HMCN1: variants seen among roughly 807,000 people sequenced by gnomAD.
The protein encoded by HMCN1 is hemicentin 1, also known as hemicentin-1.
HMCN1 carries 321 observed loss-of-function variants against 625.9 expected under a neutral mutation model. That is an observed-to-expected ratio of 0.51 (90% CI 0.47 to 0.56). The LOEUF is 0.56. Among genes scored for constraint, HMCN1 ranks in the 20% least tolerant of loss-of-function variants. HMCN1 has a pLI of 0.00. For missense variants in HMCN1, 6,588 were observed against 6,887.3 expected (o/e 0.96, Z 1.54); for synonymous variants, 2,425 against 2,417.6 (o/e 1.00, Z -0.09).
chr1:186,020,167 C>T (rs1387360434), intron 35 of HMCN1, among the ~76,000 whole-genome samples: 1 of 151,838 alleles, frequency 6.6e-6, no homozygotes, highest in Middle Eastern at 3.2e-3. Flanking sequence ...ACTTTTTTAT[C>T]GTTCATAGTG....
chr1:186,055,600 A>G lies in HMCN1; in HGVS notation c.7070A>G (p.Asp2357Gly). 1.2e-6 allele frequency: 2 copies of G among 1,612,766 alleles called. No individual in the cohort carries two copies. The highest frequency in any genetic ancestry group is 2.2e-5 in the South Asian group (2 of 91,068). The change falls in exon 45 of 107, where the codon GAC becomes GGC. Residue 2357 changes from aspartate (D) to glycine (G), a missense_variant. Asp to Gly is a moderately conservative substitution (Grantham distance 94). Around this residue, in one of 3 missense-constraint regions of HMCN1, gnomAD observed 4,628 missense variants for 4,853.1 expected, o/e 0.95. Transcript: ENST00000271588. Reference protein sequence around the residue: ...ILQLKNIHVSDTGRYVCVAVN... With the variant: ...ILQLKNIHVSGTGRYVCVAVN... Reference sequence around the variant, plus strand: ...CAGCTGAAGAACATTCATGTATCTGACACAGGCCGTTATGTGTGTGTTGCT... The same window carrying G: ...CAGCTGAAGAACATTCATGTATCTGGCACAGGCCGTTATGTGTGTGTTGCT...
At chr1:185,891,311 A>G (rs1458460185) in intron 4 of HMCN1, among the ~76,000 whole-genome samples, 1 of 142,638 alleles carries the variant, frequency 7.0e-6, no homozygotes, top group Non-Finnish European at 1.5e-5. Context: ...GTCCATTTAC[A>G]TTTAAAGTTA....
chr1:186,145,332 GA>G, intron 91 of HMCN1, 70 bp from the exon 92 acceptor site: 1 of 1,429,850 alleles, frequency 7.0e-7, no homozygotes, highest in Non-Finnish European at 9.4e-7. Context: ...ATACTTTTTG[GA>G]TGAATGTCAT....
intron 1 of HMCN1, among the ~76,000 whole-genome samples, chr1:185,752,338 A>C (rs1231701030): frequency 1.3e-5 from 2 of 152,130 alleles, no homozygotes; most frequent in Non-Finnish European, 2.9e-5. Context: ...GACCAAAAAA[A>C]GGCTGATACC....
At chr1:186,113,567 A>C (rs1419787959) in intron 72 of HMCN1, among the ~76,000 whole-genome samples, 1 of 152,258 alleles carries the variant, frequency 6.6e-6, no homozygotes, top group Non-Finnish European at 1.5e-5. Context: ...TTAATCACAG[A>C]TGTGCTTTTT....
At chr1:185,924,988 A>T (rs1667202797) in intron 8 of HMCN1, 59 bp from the exon 9 acceptor site, 1 of 1,431,090 alleles carries the variant, frequency 7.0e-7, no homozygotes, top group Non-Finnish European at 9.6e-7. Context: ...GGCAGTACTT[A>T]ACATCATTGT....
chr1:185,900,596 A>G (rs1238897557), intron 4 of HMCN1, among the ~76,000 whole-genome samples: 1 of 151,922 alleles, frequency 6.6e-6, no homozygotes, highest in East Asian at 1.9e-4. Context: ...TTTATGCCTC[A>G]TGGAACATCT....
intron 49 of HMCN1, among the ~76,000 whole-genome samples, chr1:186,065,819 G>C (rs970631074): frequency 7.9e-5 from 12 of 152,148 alleles, no homozygotes; most frequent in African/African-American, 2.9e-4. Context: ...TGTGGACTAA[G>C]AGTGATGAAA....
intron 4 of HMCN1, among the ~76,000 whole-genome samples, chr1:185,893,859 C>T (rs938658432): frequency 1.3e-5 from 2 of 152,064 alleles, no homozygotes; most frequent in Non-Finnish European, 2.9e-5. Context: ...TCAACATATC[C>T]TGGATAGCTA....
chr1:186,100,458 A>G (rs1447119835), intron 68 of HMCN1, among the ~76,000 whole-genome samples: 1 of 152,142 alleles, frequency 6.6e-6, no homozygotes, highest in Non-Finnish European at 1.5e-5. Context: ...TAGACCACTG[A>G]AAACAAGGGA....
chr1:185,940,072 A>G (rs1034893139), intron 11 of HMCN1, among the ~76,000 whole-genome samples: 2 of 152,182 alleles, frequency 1.3e-5, no homozygotes, highest in African/African-American at 4.8e-5. Context: ...TAAAAATATG[A>G]CAACAGTTTC....
chr1:185,817,615 G>A (rs1659923565), intron 1 of HMCN1, among the ~76,000 whole-genome samples: 1 of 152,162 alleles, frequency 6.6e-6, no homozygotes, highest in Non-Finnish European at 1.5e-5. Context: ...AAAGTCACTG[G>A]CCACAGTTTA....
chr1:186,020,498 G>T (rs1413593852), intron 35 of HMCN1, among the ~76,000 whole-genome samples: 1 of 151,978 alleles, frequency 6.6e-6, no homozygotes, highest in Non-Finnish European at 1.5e-5. Flanking sequence ...GCAAGTGAAA[G>T]ATTCAGTTTT....
intron 1 of HMCN1, among the ~76,000 whole-genome samples, chr1:185,817,278 C>T (rs1262574643): frequency 6.6e-6 from 1 of 152,030 alleles, no homozygotes; most frequent in East Asian, 1.9e-4. Flanking sequence ...CTACAGAGCT[C>T]CTTGAGGTAA....
chr1:185,845,544 T>C (rs1408862247), intron 1 of HMCN1, among the ~76,000 whole-genome samples: 1 of 152,184 alleles, frequency 6.6e-6, no homozygotes, highest in Admixed American at 6.5e-5. Flanking sequence ...CTTAAAAACC[T>C]ATGGGATAGG....
intron 1 of HMCN1, among the ~76,000 whole-genome samples, chr1:185,759,901 G>A (rs557113322): frequency 4.4e-4 from 67 of 152,226 alleles, no homozygotes; most frequent in African/African-American, 1.5e-3. Flanking sequence ...AGAGTAAAAT[G>A]ATACCGAATG....
intron 22 of HMCN1, among the ~76,000 whole-genome samples, chr1:185,991,325 A>T (rs533173274): frequency 4.4e-4 from 67 of 152,202 alleles, no homozygotes; most frequent in Non-Finnish European, 8.4e-4. Context: ...TGTTTGAAAA[A>T]AATATTTGTT....
rs531952300 is a variant in HMCN1 at position 185,844,377 on chromosome 1, C to A, written c.269-1649C>A. Among the ~76,000 whole-genome samples, 22 of 152,212 alleles carry A rather than the reference C, an allele frequency of 1.4e-4. No individual in the cohort carries two copies. In the South Asian group the frequency reaches 4.6e-3, roughly 32 times the overall value. On this transcript the variant is annotated intron_variant, in intron 1 of 106. Transcript: ENST00000271588. The stretch of plus-strand genomic sequence containing the variant: ...TAGTGAAGGATTGAGGCATTTTTTC[C>A]TGTTATTTCTAAGAAAAAGTACATG...
chr1:185,804,336 A>AG lies in HMCN1; in HGVS notation c.269-41690_269-41689insG, dbSNP rs1380599101. ...TTTGCACATTATAACTGCAGTCATC[A>AG]TGATTCTAGTGTTTGTTGAGTTGTG... On this transcript the variant is annotated intron_variant, in intron 1 of 106. Coordinates refer to ENST00000271588, the MANE Select transcript of HMCN1 (RefSeq NM_031935.3). Among the ~76,000 whole-genome samples, 936 of 152,208 alleles carry AG rather than the reference A, an allele frequency of 6.1e-3. 8 individuals are homozygous for AG. Among genetic ancestry groups the AG allele is most frequent in the African/African-American group, 0.021 (863 of 41,558 alleles).
Sources: allele counts gnomAD v4.1 joint callset (sites outside exome capture counted in the v4.1 genomes callset), GRCh38; gene constraint gnomAD v4.1.1; regional missense constraint gnomAD v4.1.1; transcripts MANE v1.5; gene names NCBI Gene and HGNC (gene_info 2026-07-23, HGNC 2026-07-21).